Variants in GRB10 observed in about 807,000 individuals in gnomAD.
GRB10 encodes growth factor receptor bound protein 10.
Under a neutral mutation model 80.9 loss-of-function variants are expected in GRB10, and 20 were observed. The ratio of observed to expected loss-of-function variants is 0.25; its 90% CI spans 0.17 to 0.36. The LOEUF (loss-of-function observed/expected upper bound fraction) is 0.36, where lower values mean the gene tolerates loss of function less well. Among genes scored for constraint, GRB10 ranks in the 10% least tolerant of loss-of-function variants. The pLI is 1.00. For missense variants in GRB10, 548 were observed against 747.7 expected (o/e 0.73, Z 3.12); for synonymous variants, 291 against 291.5 (o/e 1.00, Z 0.02).
At chr7:50,598,530 C>T (rs1031865549) in intron 17 of GRB10, among the ~76,000 whole-genome samples, 1 of 152,164 alleles carries the variant, frequency 6.6e-6, no homozygotes, top group Admixed American at 6.5e-5. Context: ...ATCTAGACCA[C>T]GTTTACAAGC....
chr7:50,708,981 C>T lies in GRB10; in HGVS notation c.52-5073G>A, dbSNP rs552598990. Among the ~76,000 whole-genome samples, 34 of 152,200 alleles carry T rather than the reference C, an allele frequency of 2.2e-4. No homozygotes were observed. In the East Asian group the frequency reaches 2.9e-3, roughly 13 times the overall value. On this transcript the variant is annotated intron_variant, in intron 4 of 18. Coordinates refer to ENST00000401949, the MANE Select transcript of GRB10 (RefSeq NM_001350814.2). ...GAGCCACAGTACCCAGCTGTGAGTC[C>T]GCTTTTTACTCAGAGCCCTTAATCA...
At chr7:50,619,726 T>A (rs1341144659) in intron 8 of GRB10, among the ~76,000 whole-genome samples, 1 of 152,214 alleles carries the variant, frequency 6.6e-6, no homozygotes, top group Non-Finnish European at 1.5e-5. Flanking sequence ...AGCTTTTTGA[T>A]GACATCAAAC....
At chr7:50,740,754 AAG>A (rs1205391086) in intron 3 of GRB10, among the ~76,000 whole-genome samples, 1 of 152,124 alleles carries the variant, frequency 6.6e-6, no homozygotes, top group African/African-American at 2.4e-5. Flanking sequence ...TTTGCAACAG[AAG>A]AGAGAAGACA....
intron 7 of GRB10, among the ~76,000 whole-genome samples, chr7:50,636,399 T>C (rs2055027481): frequency 6.6e-6 from 1 of 152,192 alleles, no homozygotes; most frequent in South Asian, 2.1e-4. Context: ...ATCACCCTGA[T>C]ACCGAAATCA....
chr7:50,601,672 A>G (rs192396242), intron 17 of GRB10, among the ~76,000 whole-genome samples: 6 of 148,968 alleles, frequency 4.0e-5, no homozygotes, highest in Non-Finnish European at 9.0e-5. Context: ...TCATCAGAGG[A>G]AAAAAAAAAC....
chr7:50,590,218 G>C lies in GRB10; in HGVS notation c.*2734C>G, dbSNP rs2045700383. ...GCAAAGCACATGGAATAAAGGTTTT[G>C]TCTCTTCATTAATACCTTCTGCATT... On this transcript the variant is annotated 3_prime_UTR_variant, in exon 19 of 19. Coordinates refer to ENST00000401949, the MANE Select transcript of GRB10 (RefSeq NM_001350814.2). The C allele has an allele frequency of 6.6e-6, 1 of 152,342 alleles. No homozygotes were observed. The highest frequency in any genetic ancestry group is 1.5e-5 in the Non-Finnish European group (1 of 68,024). The allele number at this position is 152,342 out of a possible 1,614,324, so 9.4% of individuals were successfully genotyped here.
intron 5 of GRB10, among the ~76,000 whole-genome samples, chr7:50,690,852 C>G (rs569878979): frequency 6.6e-6 from 1 of 152,156 alleles, no homozygotes; most frequent in African/African-American, 2.4e-5. Context: ...CAAAGGGGAC[C>G]AGACAAAAGA....
chr7:50,668,557 G>A (rs2060043894), intron 7 of GRB10, among the ~76,000 whole-genome samples: 1 of 152,166 alleles, frequency 6.6e-6, no homozygotes, highest in Non-Finnish European at 1.5e-5. Flanking sequence ...GAGGGAACAT[G>A]CGTACTTAAT....
intron 7 of GRB10, among the ~76,000 whole-genome samples, chr7:50,627,542 A>T (rs142433917): frequency 6.6e-6 from 1 of 152,318 alleles, no homozygotes; most frequent in Non-Finnish European, 1.5e-5. Context: ...AAAGAAGGGC[A>T]TAATAAAAAC....
At chr7:50,601,806 C>G (rs911524520) in intron 17 of GRB10, among the ~76,000 whole-genome samples, 1 of 152,102 alleles carries the variant, frequency 6.6e-6, no homozygotes, top group Non-Finnish European at 1.5e-5. Context: ...CTAAAAAGAT[C>G]TAAAGATTGT....
intron 2 of GRB10, among the ~76,000 whole-genome samples, chr7:50,775,210 T>G (rs2077498439): frequency 7.6e-6 from 1 of 131,946 alleles, no homozygotes; most frequent in Non-Finnish European, 1.6e-5. Flanking sequence ...GAACAGACAT[T>G]CCCATTACAA....
At chr7:50,745,646 G>T (rs1382768743) in intron 3 of GRB10, among the ~76,000 whole-genome samples, 1 of 152,168 alleles carries the variant, frequency 6.6e-6, no homozygotes, top group African/African-American at 2.4e-5. Flanking sequence ...AAAACGGCTA[G>T]AACTTTATCC....
At chr7:50,653,706 G>A (rs766696185) in intron 7 of GRB10, among the ~76,000 whole-genome samples, 1 of 152,142 alleles carries the variant, frequency 6.6e-6, no homozygotes, top group African/African-American at 2.4e-5. Flanking sequence ...ACGATGCATC[G>A]GGAAGAGACT....
intron 6 of GRB10, among the ~76,000 whole-genome samples, chr7:50,670,531 C>T (rs908207989): frequency 2.7e-4 from 33 of 122,170 alleles, no homozygotes; most frequent in African/African-American, 9.4e-4. Context: ...GCATCGGGGG[C>T]GGGGGGCGGG....
At chr7:50,681,252 G>C (rs2061510650) in intron 5 of GRB10, among the ~76,000 whole-genome samples, 1 of 152,156 alleles carries the variant, frequency 6.6e-6, no homozygotes, top group Non-Finnish European at 1.5e-5. Context: ...AAGGCTGGGA[G>C]ACAAGAAGGG....
At position 50,619,838 on chromosome 7, in the gene GRB10, C is replaced by T. The variant is rs2051353317; in HGVS notation, c.662-553G>A. On this transcript the variant is annotated intron_variant, in intron 8 of 18. Transcript: ENST00000401949. Reference sequence around the variant, plus strand: ...TCTTTCACACTGAAGCCCGCACGCACATCATGGAATAGTTCTTGTCAACCG... The same window carrying T: ...TCTTTCACACTGAAGCCCGCACGCATATCATGGAATAGTTCTTGTCAACCG... 3.3e-5 allele frequency among the ~76,000 whole-genome samples: 5 copies of T among 152,218 alleles called. No homozygotes were observed. In the South Asian group the frequency reaches 1.0e-3, roughly 32 times the overall value.
intron 4 of GRB10, among the ~76,000 whole-genome samples, chr7:50,726,686 T>C (rs1183757227): frequency 6.6e-6 from 1 of 152,218 alleles, no homozygotes; most frequent in African/African-American, 2.4e-5. Context: ...ATGACACATT[T>C]AGGGACAATA....
At chr7:50,683,981 CA>C (rs2061822913) in intron 5 of GRB10, among the ~76,000 whole-genome samples, 1 of 152,132 alleles carries the variant, frequency 6.6e-6, no homozygotes, top group African/African-American at 2.4e-5. Flanking sequence ...TAAGAATTTT[CA>C]GTATAAATGT....
At chr7:50,773,946 C>T (rs1308761864) in intron 2 of GRB10, among the ~76,000 whole-genome samples, 2 of 152,240 alleles carry the variant, frequency 1.3e-5, no homozygotes, top group African/African-American at 4.8e-5. Flanking sequence ...CAAGCTCCGC[C>T]TCCCGGGTTC....
Sources: allele counts gnomAD v4.1 joint callset (sites outside exome capture counted in the v4.1 genomes callset), GRCh38; gene constraint gnomAD v4.1.1; transcripts MANE v1.5; gene names NCBI Gene and HGNC (gene_info 2026-07-23, HGNC 2026-07-21).